SETD5: variants seen among roughly 807,000 people sequenced by gnomAD.
SETD5 encodes the protein histone-lysine N-methyltransferase SETD5.
A neutral mutation model predicts 153.3 loss-of-function variants in SETD5; 44 were observed. The ratio of observed to expected loss-of-function variants is 0.29; its 90% CI spans 0.23 to 0.37. The LOEUF (loss-of-function observed/expected upper bound fraction) is 0.37, where lower values mean the gene tolerates loss of function less well. Ranked by LOEUF, SETD5 falls within the 10% of genes least tolerant of loss-of-function variation. The probability of loss-of-function intolerance (pLI) is 1.00; values close to 1 mark genes in which losing one functional copy is unlikely to be tolerated. For missense variants in SETD5, 1,544 were observed against 1,768.0 expected (o/e 0.87, Z 2.27); for synonymous variants, 716 against 645.2 (o/e 1.11, Z -1.66).
intron 1 of SETD5, among the ~76,000 whole-genome samples, chr3:9,417,252 G>A (rs1410488483): frequency 6.6e-6 from 1 of 152,138 alleles, no homozygotes; most frequent in Non-Finnish European, 1.5e-5. Flanking sequence ...TCATAGGGAG[G>A]CGACTGATGT....
chr3:9,472,028 A>AC (rs1256492129), intron 19 of SETD5, among the ~76,000 whole-genome samples: 24 of 152,336 alleles, frequency 1.6e-4, no homozygotes, highest in Admixed American at 1.1e-3. Flanking sequence ...GGAGGAGGAA[A>AC]CATTGGCAGA....
intron 17 of SETD5, among the ~76,000 whole-genome samples, chr3:9,462,153 T>C (rs1258002855): frequency 6.6e-6 from 1 of 152,198 alleles, no homozygotes; most frequent in Non-Finnish European, 1.5e-5. Context: ...TCCAGATGGT[T>C]TCCCAGTTAC....
Position 9,470,680 on chromosome 3 carries a change from C to T in SETD5, c.2946C>T (p.Asn982=), listed in dbSNP as rs1026532950. The change falls in exon 19 of 23, where the codon AAC becomes AAT. Residue 982 remains asparagine (N), a synonymous_variant. Transcript: ENST00000402198. ...NSDQAFRTEF[N]LMYAYSPLNA... ...ACCAGGCATTTCGGACAGAGTTCAA[C>T]TTGATGTATGCCTACTCCCCTTTGA... 2 of 1,613,986 alleles carry T rather than the reference C, an allele frequency of 1.2e-6. No homozygotes were observed. Among genetic ancestry groups the T allele is most frequent in the Admixed American group, 1.7e-5 (1 of 60,020 alleles).
chr3:9,455,651 A>G (rs966316025), intron 17 of SETD5, among the ~76,000 whole-genome samples: 1 of 140,236 alleles, frequency 7.1e-6, no homozygotes. Context: ...TTCTTTTTTA[A>G]CAGCTTTTAA....
chr3:9,472,019 G>A (rs2045355893), intron 19 of SETD5, among the ~76,000 whole-genome samples: 1 of 152,224 alleles, frequency 6.6e-6, no homozygotes, highest in African/African-American at 2.4e-5. Flanking sequence ...GGGATAGAAG[G>A]AGGAGGAAAC....
At chr3:9,473,699 G>T (rs2045571058) in intron 20 of SETD5, among the ~76,000 whole-genome samples, 162 bp downstream of exon 20, 1 of 152,180 alleles carries the variant, frequency 6.6e-6, no homozygotes, top group Admixed American at 6.5e-5. Context: ...ATTTAATAAT[G>T]TCAGCTGCAA....
rs1393218078 is a variant in SETD5, at chr3:9,434,449, C to G, written c.293C>G (p.Ser98Cys). ...TVPTWCPCGL[S>C]QDGFLLNCDK... ...CCTACCTGGTGTCCTTGTGGTCTTTCTCAGGATGGCTTCCTTCTCAACTGT... is the reference window on the plus strand; with the variant it reads ...CCTACCTGGTGTCCTTGTGGTCTTTGTCAGGATGGCTTCCTTCTCAACTGT... The change falls in exon 5 of 23, where the codon TCT (serine) becomes TGT (cysteine). Residue 98 changes from serine to cysteine, a missense_variant. By Grantham distance (112) the Ser-to-Cys change is moderately radical (BLOSUM62 -1). Coordinates refer to ENST00000402198, the MANE Select transcript of SETD5 (RefSeq NM_001080517.3). This position sits in a 1 kb window ranked among gnomAD's most constrained non-coding sequence, Gnocchi z 5.6. The G allele has an allele frequency of 1.2e-6, 2 of 1,613,952 alleles. No individual in the cohort carries two copies. The highest frequency in any genetic ancestry group is 1.7e-6 in the Non-Finnish European group (2 of 1,179,886).
rs777931259 is a variant in SETD5 at position 9,475,096 on chromosome 3, A to G, written c.3660A>G (p.Thr1220=). 4 of 1,590,284 alleles carry G rather than the reference A, an allele frequency of 2.5e-6. No homozygotes were observed. Among genetic ancestry groups the G allele is most frequent in the Non-Finnish European group, 3.4e-6 (4 of 1,168,522 alleles). Residue 1220 remains threonine (T), a synonymous_variant, in exon 22 of 23, where the codon ACA becomes ACG. Coordinates refer to ENST00000402198, the MANE Select transcript of SETD5 (RefSeq NM_001080517.3). The part of the protein sequence containing the change: ...SDPADGEGPE[T]LSSALSKGAT... ...CTGCAGATGGAGAAGGCCCAGAGAC[A>G]TTAAGCTCAGCACTCTCTAAAGGAG...
intron 1 of SETD5, among the ~76,000 whole-genome samples, chr3:9,411,025 A>T (rs2036497389): frequency 6.6e-6 from 1 of 151,932 alleles, no homozygotes. Context: ...AGTAGCTGGG[A>T]CTACAGGTGC....
intron 1 of SETD5, among the ~76,000 whole-genome samples, chr3:9,412,397 T>TTTTG (rs2036722478): frequency 7.2e-6 from 1 of 139,190 alleles, no homozygotes; most frequent in Admixed American, 7.5e-5. Context: ...GTTTTTTTTT[T>TTTTG]TTTTTTTTTT....
chr3:9,441,667 C>T lies in SETD5; in HGVS notation c.885C>T (p.Asp295=). The change falls in exon 9 of 23, where the codon GAC becomes GAT. Residue 295 remains aspartate, a synonymous_variant. Coordinates refer to ENST00000402198, the MANE Select transcript of SETD5 (RefSeq NM_001080517.3). ...GGGCTGCAAGAGATTTGGCTTTGGA[C>T]ACTCTTATAATAGAGTATCGTGGGA... ...ILRAARDLAL[D]TLIIEYRGKV... 1 of 1,613,760 alleles carries T rather than the reference C, an allele frequency of 6.2e-7. No homozygotes were observed. The highest frequency in any genetic ancestry group is 8.5e-7 in the Non-Finnish European group (1 of 1,179,646).
intron 1 of SETD5, among the ~76,000 whole-genome samples, chr3:9,410,977 G>A (rs535794928): frequency 1.3e-5 from 2 of 151,310 alleles, no homozygotes; most frequent in South Asian, 2.1e-4. Flanking sequence ...CAACCTAGGC[G>A]TCCCAGGTTG....
At chr3:9,404,231 G>T (rs1559342417) in intron 1 of SETD5, among the ~76,000 whole-genome samples, 1 of 152,164 alleles carries the variant, frequency 6.6e-6, no homozygotes, top group South Asian at 2.1e-4. Flanking sequence ...TAGCAGAGGA[G>T]ATGTTTTAAC....
chr3:9,467,626 T>C (rs1452419224), intron 18 of SETD5, among the ~76,000 whole-genome samples: 1 of 151,952 alleles, frequency 6.6e-6, no homozygotes, highest in Admixed American at 6.6e-5. Flanking sequence ...TTATTCAGAG[T>C]CTACATTAGG....
intron 18 of SETD5, 118 bp from the exon 19 acceptor site, chr3:9,470,340 CT>C: frequency 1.3e-6 from 1 of 751,204 alleles, no homozygotes; most frequent in Non-Finnish European, 2.3e-6. Flanking sequence ...GCTTTATCTG[CT>C]CTACTTCCGT....
At chr3:9,414,040 G>A (rs2037039301) in intron 1 of SETD5, among the ~76,000 whole-genome samples, 1 of 152,168 alleles carries the variant, frequency 6.6e-6, no homozygotes, top group Admixed American at 6.5e-5. Flanking sequence ...CTCCCAAAGT[G>A]CTGGAATTAC....
rs372907892 is a variant in SETD5, at chr3:9,473,709, A to AC, written c.3497+178dup. 1.4e-3 allele frequency among the ~76,000 whole-genome samples: 207 copies of AC among 152,184 alleles called. 6 individuals are homozygous for AC. The East Asian group carries it at 0.025, about 18-fold the overall frequency. ...AGCTGATTTAATAATGTCAGCTGCA[A>AC]CCCCCCAGCTTTGCAGAATTAAGAA... On this transcript the variant is annotated intron_variant, in intron 20 of 22. Transcript: ENST00000402198.
At chr3:9,450,621 G>A (rs1372454117) in intron 16 of SETD5, among the ~76,000 whole-genome samples, 1 of 152,128 alleles carries the variant, frequency 6.6e-6, no homozygotes, top group Non-Finnish European at 1.5e-5. Context: ...CTTACCTAAT[G>A]CAGAACCTAA....
At chr3:9,433,542 G>A in intron 3 of SETD5, 2 of 1,295,176 alleles carry the variant, frequency 1.5e-6, no homozygotes, top group South Asian at 1.2e-5. Flanking sequence ...GCTTCTCTAG[G>A]GGAAACTCCC....
Sources: allele counts gnomAD v4.1 joint callset (sites outside exome capture counted in the v4.1 genomes callset), GRCh38; gene constraint gnomAD v4.1.1; non-coding constraint Gnocchi (gnomAD v3.1); transcripts MANE v1.5; gene names NCBI Gene and HGNC (gene_info 2026-07-23, HGNC 2026-07-21).